LRMDA: variants seen among roughly 807,000 people sequenced by gnomAD.
LRMDA encodes the protein leucine rich melanocyte differentiation associated.
LRMDA carries 18 observed loss-of-function variants against 29.8 expected under a neutral mutation model. The ratio of observed to expected loss-of-function variants is 0.60; its 90% CI spans 0.42 to 0.90. LRMDA has a LOEUF of 0.90. Among genes scored for constraint, LRMDA ranks in the 40% least tolerant of loss-of-function variants. The probability of loss-of-function intolerance (pLI) is 0.00; values close to 1 mark genes in which losing one functional copy is unlikely to be tolerated. For synonymous variants in LRMDA, 125 were observed against 109.4 expected (o/e 1.14, Z -0.89); for missense variants, 273 against 273.9 (o/e 1.00, Z 0.02).
At chr10:75,963,552 A>G (rs1846804775) in intron 2 of LRMDA, among the ~76,000 whole-genome samples, 1 of 152,194 alleles carries the variant, frequency 6.6e-6, no homozygotes, top group Admixed American at 6.5e-5. Context: ...TCTATGCAAA[A>G]GAAAGATTAT....
Position 75,890,411 on chromosome 10 carries a change from CA to C in LRMDA, c.132-145596del, listed in dbSNP as rs1845465578. On this transcript the variant is annotated intron_variant, in intron 2 of 6. Transcript: ENST00000611255. ...TCCCTGAATAATAAAGAGGTAATAT[CA>C]GGGAATAGAGTAGTGTCAGGATGTA... Among the ~76,000 whole-genome samples, 3 of 152,158 alleles carry C rather than the reference CA, an allele frequency of 2.0e-5. No individual in the cohort carries two copies. In the South Asian group the frequency reaches 6.2e-4, roughly 32 times the overall value.
chr10:75,612,624 C>T (rs991968385), intron 2 of LRMDA, among the ~76,000 whole-genome samples: 5 of 148,170 alleles, frequency 3.4e-5, no homozygotes, highest in African/African-American at 1.2e-4. Flanking sequence ...TATTTATTTA[C>T]TTATTTTATT....
At chr10:76,528,145 T>C (rs1250749837) in intron 6 of LRMDA, among the ~76,000 whole-genome samples, 1 of 152,156 alleles carries the variant, frequency 6.6e-6, no homozygotes, top group East Asian at 1.9e-4. Flanking sequence ...TGAGGCTAGA[T>C]GCATTCACTT....
intron 2 of LRMDA, among the ~76,000 whole-genome samples, chr10:75,453,979 C>T (rs1844487589): frequency 6.6e-6 from 1 of 152,218 alleles, no homozygotes; most frequent in Non-Finnish European, 1.5e-5. Context: ...TGATCTGTTT[C>T]TATGCTAAGG....
intron 6 of LRMDA, among the ~76,000 whole-genome samples, chr10:76,334,104 A>G (rs1453105093): frequency 6.6e-6 from 1 of 152,216 alleles, no homozygotes; most frequent in Non-Finnish European, 1.5e-5. Context: ...ATTTGTTCTC[A>G]TTCTAGCCTT....
chr10:75,687,640 A>T (rs1213574545), intron 2 of LRMDA, among the ~76,000 whole-genome samples: 1 of 152,240 alleles, frequency 6.6e-6, no homozygotes, highest in Non-Finnish European at 1.5e-5. Context: ...TCTGGCTAAG[A>T]TCATTGATGA....
intron 2 of LRMDA, among the ~76,000 whole-genome samples, chr10:75,799,382 G>A (rs900637913): frequency 1.3e-5 from 2 of 151,886 alleles, no homozygotes; most frequent in Non-Finnish European, 2.9e-5. Flanking sequence ...TTTTTTATGT[G>A]TACTTTTTTT....
At chr10:75,509,401 C>T (rs1220759254) in intron 2 of LRMDA, among the ~76,000 whole-genome samples, 2 of 152,136 alleles carry the variant, frequency 1.3e-5, no homozygotes, top group African/African-American at 4.8e-5. Context: ...GCTTCCACAG[C>T]ATGTTTTTGT....
rs532845143 is a variant in LRMDA, at chr10:75,906,872, G to A, written c.132-129136G>A. Among the ~76,000 whole-genome samples the A allele has an allele frequency of 2.8e-3, 235 of 83,152 alleles. 1 individual carries two copies. Among genetic ancestry groups the A allele is most frequent in the Non-Finnish European group, 4.3e-3 (176 of 40,990 alleles). The allele number at this position is 83,152 out of a possible 152,430, so 54.6% of individuals were successfully genotyped here. A position where few individuals can be genotyped will look rare whatever the true frequency, so the allele number is the denominator to read the frequency against. On this transcript the variant is annotated intron_variant, in intron 2 of 6. Transcript: ENST00000611255. ...TCCTCTGAACATAAGTGGACTTGGG[G>A]GTGCAAGGTTGAACAGGTAATTGAG...
rs147217271 is a variant in LRMDA at position 75,704,697 on chromosome 10, T to G, written c.131+266203T>G. 8.9e-3 allele frequency among the ~76,000 whole-genome samples: 1,359 copies of G among 152,326 alleles called. 10 individuals are homozygous for G. Among genetic ancestry groups the G allele is most frequent in the Non-Finnish European group, 0.014 (939 of 68,028 alleles). On this transcript the variant is annotated intron_variant, in intron 2 of 6. Coordinates refer to ENST00000611255, the MANE Select transcript of LRMDA (RefSeq NM_001305581.2). Reference sequence around the variant, plus strand: ...GTGTTACCTTTTCTTTTCTACTGCATGGAAACCAGTAGCTGGAGCCAGCCT... The same window carrying G: ...GTGTTACCTTTTCTTTTCTACTGCAGGGAAACCAGTAGCTGGAGCCAGCCT...
At chr10:76,343,003 T>C (rs545565857) in intron 6 of LRMDA, among the ~76,000 whole-genome samples, 1 of 152,028 alleles carries the variant, frequency 6.6e-6, no homozygotes, top group African/African-American at 2.4e-5. Context: ...AACCCTGATC[T>C]GTACTGTTTG....
rs181720383 is a variant in LRMDA, at chr10:76,395,850, G to A, written c.601+71365G>A. Among the ~76,000 whole-genome samples the A allele has an allele frequency of 8.1e-3, 1,241 of 152,332 alleles. 30 individuals carry two copies. In the South Asian group the frequency reaches 0.093, roughly 11 times the overall value. ...TATTTCTAAAACAGTGTGAAAACAC[G>A]ATGAATTGAATTGAATTGGCGAGAA... On this transcript the variant is annotated intron_variant, in intron 6 of 6. Coordinates refer to ENST00000611255, the MANE Select transcript of LRMDA (RefSeq NM_001305581.2).
intron 2 of LRMDA, among the ~76,000 whole-genome samples, chr10:75,762,309 A>G (rs1843107338): frequency 1.3e-5 from 2 of 152,224 alleles, no homozygotes; most frequent in South Asian, 4.1e-4. Context: ...ATGGCTTTGA[A>G]TGCGACCCAA....
In LRMDA at chr10:76,557,165, G is replaced by A. The variant is rs1345538727; in HGVS notation, c.602-44G>A. On this transcript the variant is annotated intron_variant, in intron 6 of 6. Coordinates refer to ENST00000611255, the MANE Select transcript of LRMDA (RefSeq NM_001305581.2). The stretch of plus-strand genomic sequence containing the variant: ...TTCAGCACCTGTGTTTCCCTGCTAT[G>A]CTAAGTGTGCCACCTGTAATGATGT... 2.0e-6 allele frequency: 3 copies of A among 1,494,656 alleles called. No homozygotes were observed. In the Admixed American group the frequency reaches 5.0e-5, roughly 25 times the overall value. 92.6% of individuals were successfully genotyped at this position (1,494,656 alleles called of 1,614,324 possible). A position where few individuals can be genotyped will look rare whatever the true frequency, so the allele number is the denominator to read the frequency against.
chr10:75,659,231 C>G (rs1841718345), intron 2 of LRMDA, among the ~76,000 whole-genome samples: 1 of 152,224 alleles, frequency 6.6e-6, no homozygotes, highest in Non-Finnish European at 1.5e-5. Context: ...GAGAGGCACT[C>G]TCAGTTTACG....
chr10:76,018,942 G>T (rs1299024428), intron 2 of LRMDA, among the ~76,000 whole-genome samples: 3 of 152,198 alleles, frequency 2.0e-5, no homozygotes, highest in African/African-American at 7.2e-5. Context: ...TAAATGTTCA[G>T]ATTGTTCAGC....
chr10:76,545,598 G>A (rs1322256280), intron 6 of LRMDA, among the ~76,000 whole-genome samples: 2 of 150,758 alleles, frequency 1.3e-5, no homozygotes, highest in Non-Finnish European at 3.0e-5. Context: ...AAATTTGAAT[G>A]TTTATGGTTT....
At chr10:76,055,597 T>C (rs1326407320) in intron 4 of LRMDA, among the ~76,000 whole-genome samples, 1 of 152,210 alleles carries the variant, frequency 6.6e-6, no homozygotes, top group African/African-American at 2.4e-5. Flanking sequence ...TCAGATCCCA[T>C]GCCTGCCAAG....
At chr10:75,954,335 C>T (rs772374890) in intron 2 of LRMDA, among the ~76,000 whole-genome samples, 2 of 152,104 alleles carry the variant, frequency 1.3e-5, no homozygotes, top group South Asian at 2.1e-4. Flanking sequence ...AGGTCTATCC[C>T]GATGATAGGC....
Sources: gnomAD v4.1 joint callset for allele counts (sites outside exome capture counted in the v4.1 genomes callset) on GRCh38, gnomAD v4.1.1 for gene constraint, MANE v1.5 for transcripts, NCBI Gene and HGNC (gene_info 2026-07-23, HGNC 2026-07-21) for gene names.